Variants in CUL1 observed in about 807,000 individuals in gnomAD.
CUL1 encodes cullin-1.
CUL1 carries 24 observed loss-of-function variants against 118.0 expected under a neutral mutation model. The observed-to-expected ratio is 0.20, with a 90% CI of 0.15 to 0.29. The LOEUF (loss-of-function observed/expected upper bound fraction) is 0.29, where lower values mean the gene tolerates loss of function less well. CUL1 is among the 10% of genes least tolerant of loss of function. CUL1 has a pLI of 1.00. For missense variants in CUL1, 361 were observed against 933.8 expected (o/e 0.39, Z 7.99); for synonymous variants, 332 against 340.4 (o/e 0.98, Z 0.27).
chr7:148,769,714 A>C (rs904074561), intron 9 of CUL1, among the ~76,000 whole-genome samples: 1 of 152,094 alleles, frequency 6.6e-6, no homozygotes. Flanking sequence ...CTCGTGTTCT[A>C]TGTGAATATA....
At chr7:148,723,377 C>T (rs1418144361) in intron 1 of CUL1, among the ~76,000 whole-genome samples, 1 of 152,122 alleles carries the variant, frequency 6.6e-6, no homozygotes, top group Non-Finnish European at 1.5e-5. Flanking sequence ...CCTGTGTGTC[C>T]AGCTGCTTGG....
chr7:148,799,437 A>T, intron 21 of CUL1, 49 bp downstream of exon 21: 3 of 1,311,192 alleles, frequency 2.3e-6, no homozygotes, highest in Non-Finnish European at 3.3e-6. Flanking sequence ...TTTAGAAGAT[A>T]AAAGATGTAG....
chr7:148,759,769 ACATTT>A (rs1323273701), intron 6 of CUL1, 131 bp downstream of exon 6: 3 of 497,272 alleles, frequency 6.0e-6, no homozygotes, highest in Non-Finnish European at 1.1e-5. Context: ...GAAGGTACTT[ACATTT>A]CTTTTTAAGT....
intron 2 of CUL1, among the ~76,000 whole-genome samples, chr7:148,732,472 G>A (rs1798794333): frequency 6.6e-6 from 1 of 151,276 alleles, no homozygotes; most frequent in African/African-American, 2.4e-5. Context: ...CCTTCAAGTG[G>A]ATGGGACCAC....
chr7:148,746,597 G>GT (rs1799316488), intron 2 of CUL1, among the ~76,000 whole-genome samples: 1 of 152,160 alleles, frequency 6.6e-6, no homozygotes, highest in Admixed American at 6.5e-5. Flanking sequence ...GACATCCTTA[G>GT]TAAGAGTCAA....
At chr7:148,740,873 G>A (rs1365564184) in intron 2 of CUL1, among the ~76,000 whole-genome samples, 1 of 152,162 alleles carries the variant, frequency 6.6e-6, no homozygotes, top group Non-Finnish European at 1.5e-5. Context: ...CTGGAAGAGA[G>A]CCCTCACCAG....
At chr7:148,766,536 A>G in intron 7 of CUL1, 25 bp from the exon 8 acceptor site, 1 of 1,578,856 alleles carries the variant, frequency 6.3e-7, no homozygotes, top group Non-Finnish European at 8.6e-7. Flanking sequence ...AATCAAAACC[A>G]TTCACTTGAA....
At chr7:148,721,346 C>A (rs1413959793) in intron 1 of CUL1, among the ~76,000 whole-genome samples, 1 of 152,186 alleles carries the variant, frequency 6.6e-6, no homozygotes, top group Non-Finnish European at 1.5e-5. Flanking sequence ...TGCCCCTCAC[C>A]CTAAATGCTT....
intron 2 of CUL1, among the ~76,000 whole-genome samples, chr7:148,738,704 C>T (rs1377954601): frequency 1.3e-5 from 2 of 152,170 alleles, no homozygotes; most frequent in East Asian, 3.9e-4. Flanking sequence ...AATGAAACTT[C>T]TATTTTATTG....
intron 1 of CUL1, among the ~76,000 whole-genome samples, chr7:148,719,083 G>A (rs190558056): frequency 1.1e-4 from 16 of 152,172 alleles, no homozygotes; most frequent in African/African-American, 3.6e-4. Flanking sequence ...AGGCCGAGGC[G>A]GGCGGATCAC....
intron 2 of CUL1, among the ~76,000 whole-genome samples, chr7:148,749,204 G>T (rs1353594386): frequency 6.6e-6 from 1 of 151,898 alleles, no homozygotes; most frequent in Non-Finnish European, 1.5e-5. Flanking sequence ...ATCACCTGAG[G>T]TCAGGAGTTC....
intron 2 of CUL1, 25 bp from the exon 3 acceptor site, chr7:148,753,951 T>G: frequency 1.3e-6 from 2 of 1,553,990 alleles, no homozygotes. Flanking sequence ...GTGATATATG[T>G]TGGTTTCCTT....
rs569785179 is a variant in CUL1, at chr7:148,749,564, A to G, written c.141-4412A>G. 2.0e-5 allele frequency among the ~76,000 whole-genome samples: 3 copies of G among 152,256 alleles called. No individual in the cohort carries two copies. In the South Asian group the frequency reaches 6.2e-4, roughly 32 times the overall value. On this transcript the variant is annotated intron_variant, in intron 2 of 21. Transcript: ENST00000325222. The stretch of plus-strand genomic sequence containing the variant: ...AAAGAATGGCTTTGAGGCGCCACAC[A>G]CTGCACCCATCTAAAACAGCAAACT...
Position 148,767,577 on chromosome 7 carries a change from A to G in CUL1, c.953-42A>G, listed in dbSNP as rs771563106. The G allele has an allele frequency of 5.0e-6, 8 of 1,597,242 alleles. No homozygotes were observed. In the East Asian group the frequency reaches 1.3e-4, roughly 27 times the overall value. Reference sequence around the variant, plus strand: ...ACATAATTAGTAGAATGGATATGCAAAATTTTTTTCAGTGCATAAAAGGGG... The same window carrying G: ...ACATAATTAGTAGAATGGATATGCAGAATTTTTTTCAGTGCATAAAAGGGG... On this transcript the variant is annotated intron_variant, in intron 8 of 21. Coordinates refer to ENST00000325222, the MANE Select transcript of CUL1 (RefSeq NM_003592.3).
At chr7:148,744,442 GAGA>G (rs1008658414) in intron 2 of CUL1, among the ~76,000 whole-genome samples, 6 of 150,048 alleles carry the variant, frequency 4.0e-5, no homozygotes, top group Middle Eastern at 3.4e-3. Flanking sequence ...GTGTGTGAAA[GAGA>G]AGAAGGAATA....
At chr7:148,786,891 C>G in intron 12 of CUL1, 98 bp from the exon 13 acceptor site, 1 of 1,489,106 alleles carries the variant, frequency 6.7e-7, no homozygotes, top group South Asian at 1.3e-5. Flanking sequence ...AAGCCAAAGG[C>G]ACATCTTGGC....
intron 1 of CUL1, among the ~76,000 whole-genome samples, chr7:148,707,563 G>A (rs780481835): frequency 6.6e-6 from 1 of 151,868 alleles, no homozygotes; most frequent in Non-Finnish European, 1.5e-5. Context: ...CGTGTGCCAT[G>A]GTGGTTTGCT....
At chr7:148,788,291 A>G (rs1241042633) in intron 13 of CUL1, among the ~76,000 whole-genome samples, 1 of 152,202 alleles carries the variant, frequency 6.6e-6, no homozygotes, top group Non-Finnish European at 1.5e-5. Flanking sequence ...GTGTCAGGAC[A>G]CCTTGCTCTT....
intron 1 of CUL1, among the ~76,000 whole-genome samples, chr7:148,707,001 A>G (rs537268749): frequency 3.3e-5 from 5 of 152,298 alleles, no homozygotes; most frequent in Admixed American, 2.0e-4. Context: ...CTGCTGTTAC[A>G]GGGAGATATA....
Sources: gnomAD v4.1 joint callset for allele counts (sites outside exome capture counted in the v4.1 genomes callset) on GRCh38, gnomAD v4.1.1 for gene constraint, MANE v1.5 for transcripts, NCBI Gene and HGNC (gene_info 2026-07-23, HGNC 2026-07-21) for gene names.